The following CNTNAP3B variants were observed in gnomAD, a reference collection of about 807,000 sequenced individuals.
The protein encoded by CNTNAP3B is contactin-associated protein-like 3B.
Under a neutral mutation model 108.9 loss-of-function variants are expected in CNTNAP3B, and 25 were observed. That is an observed-to-expected ratio of 0.23 (90% CI 0.17 to 0.32). The LOEUF (loss-of-function observed/expected upper bound fraction) is 0.32, where lower values mean the gene tolerates loss of function less well. Ranked by LOEUF, CNTNAP3B falls within the 10% of genes least tolerant of loss-of-function variation. The probability of loss-of-function intolerance (pLI) is 1.00; values close to 1 mark genes in which losing one functional copy is unlikely to be tolerated. For missense variants in CNTNAP3B, 252 were observed against 1,210.4 expected, an observed-to-expected ratio of 0.21 and a Z score of 11.75; for synonymous variants, 103 against 473.4, an observed-to-expected ratio of 0.22 and a Z score of 10.16.
intron 3 of CNTNAP3B, among the ~76,000 whole-genome samples, chr9:42,027,058 A>G (rs1826427023): frequency 1.7e-5 from 1 of 59,056 alleles, no homozygotes; most frequent in Non-Finnish European, 3.1e-5. Flanking sequence ...TGGGGGGAAA[A>G]TCAATACCCA....
chr9:41,924,350 C>T (rs1263003963), intron 15 of CNTNAP3B, among the ~76,000 whole-genome samples: 10 of 152,418 alleles, frequency 6.6e-5, no homozygotes, highest in Middle Eastern at 6.8e-3. Context: ...GTCAGGGGAT[C>T]GCGCAGCAAC....
chr9:41,926,201 G>T (rs1334374141), intron 15 of CNTNAP3B, among the ~76,000 whole-genome samples: 2 of 152,252 alleles, frequency 1.3e-5, no homozygotes, highest in Non-Finnish European at 2.9e-5. Flanking sequence ...CCTCAGTGAG[G>T]TCACTCCTAT....
chr9:42,056,237 G>A lies in CNTNAP3B; in HGVS notation c.390+20632C>T, dbSNP rs1233200772. Among the ~76,000 whole-genome samples, 5 of 135,982 alleles carry A rather than the reference G, an allele frequency of 3.7e-5. 1 individual carries two copies. The highest frequency in any genetic ancestry group is 6.3e-5 in the Non-Finnish European group (4 of 63,666). The allele number at this position is 135,982 out of a possible 152,430, so 89.2% of individuals were successfully genotyped here. A position where few individuals can be genotyped will look rare whatever the true frequency, so the allele number is the denominator to read the frequency against. ...CAACACAGCCTCAGTAAATGTTTTAGTTGTTCTAATAAACTGAGTAGTACC... is the reference window on the plus strand; with the variant it reads ...CAACACAGCCTCAGTAAATGTTTTAATTGTTCTAATAAACTGAGTAGTACC... On this transcript the variant is annotated intron_variant, in intron 3 of 23. Transcript: ENST00000377561.
At chr9:41,950,827 C>G (rs1344939833) in intron 13 of CNTNAP3B, among the ~76,000 whole-genome samples, 3 of 133,784 alleles carry the variant, frequency 2.2e-5, no homozygotes, top group Non-Finnish European at 4.6e-5. Context: ...GTGGCGCCAT[C>G]TCGGCTCACT....
chr9:41,959,148 T>TA (rs1250823046), intron 12 of CNTNAP3B, among the ~76,000 whole-genome samples: 7 of 147,322 alleles, frequency 4.8e-5, no homozygotes, highest in African/African-American at 7.7e-5. Context: ...CTGCTGGATC[T>TA]AAAAAAATTG....
rs1374770074 is a variant in CNTNAP3B at position 42,102,000 on chromosome 9, T to G, written c.196+2629A>C. On this transcript the variant is annotated intron_variant, in intron 2 of 23. Transcript: ENST00000377561. ...TGAGCTCAGGAGGCGGAGCTTGCAG[T>G]GAGCCGAGATTGCACCACTGCACTC... 2.9e-4 allele frequency among the ~76,000 whole-genome samples: 24 copies of G among 81,418 alleles called. 7 individuals carry two copies. The highest frequency in any genetic ancestry group is 3.5e-4 in the Non-Finnish European group (14 of 40,162). 53.4% of individuals were successfully genotyped at this position (81,418 alleles called of 152,430 possible). A position where few individuals can be genotyped will look rare whatever the true frequency, so the allele number is the denominator to read the frequency against.
At chr9:42,101,811 A>G (rs1828006590) in intron 2 of CNTNAP3B, among the ~76,000 whole-genome samples, 2 of 126,314 alleles carry the variant, frequency 1.6e-5, no homozygotes, top group African/African-American at 3.2e-5. Context: ...GGTGGCTCAC[A>G]CCTTTGGGAG....
chr9:42,112,262 C>T (rs1828206395), intron 1 of CNTNAP3B, among the ~76,000 whole-genome samples: 1 of 139,764 alleles, frequency 7.2e-6, no homozygotes, highest in Non-Finnish European at 1.5e-5. Flanking sequence ...GCTCTGAAGT[C>T]TTCTCACATG....
chr9:41,918,745 A>G (rs1348975863), intron 18 of CNTNAP3B, among the ~76,000 whole-genome samples: 1 of 145,790 alleles, frequency 6.9e-6, no homozygotes, highest in Middle Eastern at 3.4e-3. Flanking sequence ...GGAATGATTT[A>G]GAAATCAGCA....
chr9:41,982,063 CAAA>C (rs541712479), intron 9 of CNTNAP3B, among the ~76,000 whole-genome samples: 759 of 41,540 alleles, frequency 0.018, no homozygotes, highest in Non-Finnish European at 0.023. Flanking sequence ...TCTAAAGTCT[CAAA>C]AAAAAAAAAA....
intron 10 of CNTNAP3B, among the ~76,000 whole-genome samples, chr9:41,969,657 G>A (rs1328922425): frequency 2.0e-5 from 3 of 151,966 alleles, no homozygotes; most frequent in African/African-American, 7.3e-5. Flanking sequence ...TCGCTCTGTC[G>A]CCCAGGCTGG....
intron 12 of CNTNAP3B, among the ~76,000 whole-genome samples, chr9:41,958,002 T>C (rs1319550783): frequency 5.2e-5 from 8 of 152,408 alleles, no homozygotes; most frequent in Non-Finnish European, 1.2e-4. Context: ...GACCTCGTGA[T>C]CCGCCTGCCT....
In CNTNAP3B at chr9:42,112,456, G is replaced by C. The variant is rs1828212908; in HGVS notation, c.86-7717C>G. ...CACTCCTGAGAAAGGAGCCTTGCCTGCTGACTGATGATTCTGGGGTGAGGA... is the reference window on the plus strand; with the variant it reads ...CACTCCTGAGAAAGGAGCCTTGCCTCCTGACTGATGATTCTGGGGTGAGGA... On this transcript the variant is annotated intron_variant, in intron 1 of 23. Coordinates refer to ENST00000377561, the MANE Select transcript of CNTNAP3B (RefSeq NM_001201380.3). 1.4e-5 allele frequency among the ~76,000 whole-genome samples: 2 copies of C among 139,092 alleles called. 1 individual carries two copies. Among genetic ancestry groups the C allele is most frequent in the Non-Finnish European group, 3.1e-5 (2 of 64,964 alleles). 91.2% of individuals were successfully genotyped at this position (139,092 alleles called of 152,430 possible). A position where few individuals can be genotyped will look rare whatever the true frequency, so the allele number is the denominator to read the frequency against.
chr9:42,026,863 A>C lies in CNTNAP3B; in HGVS notation c.391-13338T>G, dbSNP rs1479263363. 1.5e-5 allele frequency among the ~76,000 whole-genome samples: 2 copies of C among 132,502 alleles called. 1 individual carries two copies. The highest frequency in any genetic ancestry group is 3.2e-5 in the Non-Finnish European group (2 of 63,262). The allele number at this position is 132,502 out of a possible 152,430, so 86.9% of individuals were successfully genotyped here. A position where few individuals can be genotyped will look rare whatever the true frequency, so the allele number is the denominator to read the frequency against. ...CAGGAACCCAATCCTGCTGAGCCAA[A>C]GTAGATAATGGGAGACTTTTAAGCA... is the stretch of plus-strand genomic sequence containing the variant. On this transcript the variant is annotated intron_variant, in intron 3 of 23. Coordinates refer to ENST00000377561, the MANE Select transcript of CNTNAP3B (RefSeq NM_001201380.3).
chr9:42,111,799 A>C (rs1444645901), intron 1 of CNTNAP3B, among the ~76,000 whole-genome samples: 3 of 138,146 alleles, frequency 2.2e-5, no homozygotes, highest in Non-Finnish European at 4.6e-5. Context: ...CATTATCATG[A>C]TCATCATCTC....
chr9:41,967,419 G>A lies in CNTNAP3B; in HGVS notation c.1649+2655C>T, dbSNP rs1197373183. The stretch of plus-strand genomic sequence containing the variant: ...TTCTCCTTCACCTTCTGCTATCATT[G>A]TGAGGTCTCCCCAGCCATGTGGAAC... On this transcript the variant is annotated intron_variant, in intron 10 of 23. Coordinates refer to ENST00000377561, the MANE Select transcript of CNTNAP3B (RefSeq NM_001201380.3). Among the ~76,000 whole-genome samples, 5 of 150,846 alleles carry A rather than the reference G, an allele frequency of 3.3e-5. No individual in the cohort carries two copies. In the South Asian group the frequency reaches 1.0e-3, roughly 32 times the overall value.
chr9:42,066,734 G>A (rs1302858814), intron 3 of CNTNAP3B, among the ~76,000 whole-genome samples: 1 of 131,126 alleles, frequency 7.6e-6, no homozygotes, highest in Non-Finnish European at 1.6e-5. Context: ...ATTTTCTTAT[G>A]TGTGTTTTCA....
At position 42,006,139 on chromosome 9, in the gene CNTNAP3B, T is replaced by C. The variant is rs568124609; in HGVS notation, c.538+7239A>G. 3.8e-5 allele frequency among the ~76,000 whole-genome samples: 2 copies of C among 52,838 alleles called. 1 individual carries two copies. The highest frequency in any genetic ancestry group is 1.1e-4 in the African/African-American group (2 of 17,764). The allele number at this position is 52,838 out of a possible 152,430, so 34.7% of individuals were successfully genotyped here. A position where few individuals can be genotyped will look rare whatever the true frequency, so the allele number is the denominator to read the frequency against. ...AAATGCTGATTTGAATTAACAACTGTGCCTAACCTAGAAGCCTATCAGAGG... is the reference window on the plus strand; with the variant it reads ...AAATGCTGATTTGAATTAACAACTGCGCCTAACCTAGAAGCCTATCAGAGG... On this transcript the variant is annotated intron_variant, in intron 4 of 23. Transcript: ENST00000377561.
At chr9:42,021,821 C>G in intron 3 of CNTNAP3B, among the ~76,000 whole-genome samples, 1 of 136,254 alleles carries the variant, frequency 7.3e-6, no homozygotes. Context: ...TCTGAAACCG[C>G]CTTTGCACAA....
Sources: gnomAD v4.1 joint callset for allele counts (sites outside exome capture counted in the v4.1 genomes callset) on GRCh38, gnomAD v4.1.1 for gene constraint, MANE v1.5 for transcripts, NCBI Gene and HGNC (gene_info 2026-07-23, HGNC 2026-07-21) for gene names.